Variants in NTRK2 observed in about 807,000 individuals in gnomAD.
The protein encoded by NTRK2 is neurotrophic receptor tyrosine kinase 2.
NTRK2 carries 13 observed loss-of-function variants against 94.5 expected under a neutral mutation model. The observed-to-expected ratio is 0.14, with a 90% CI of 0.09 to 0.22. The LOEUF (loss-of-function observed/expected upper bound fraction) is 0.22, where lower values mean the gene tolerates loss of function less well. Ranked by LOEUF, NTRK2 falls within the 10% of genes least tolerant of loss-of-function variation. The probability of loss-of-function intolerance (pLI) is 1.00; values close to 1 mark genes in which losing one functional copy is unlikely to be tolerated. For missense variants in NTRK2, 639 were observed against 1,071.2 expected, an observed-to-expected ratio of 0.60 and a Z score of 5.63; for synonymous variants, 372 against 407.4, an observed-to-expected ratio of 0.91 and a Z score of 1.05.
At chr9:84,751,781 G>A (rs915814900) in intron 11 of NTRK2, among the ~76,000 whole-genome samples, 1 of 152,106 alleles carries the variant, frequency 6.6e-6, no homozygotes, top group African/African-American at 2.4e-5. Flanking sequence ...TGTAAAGTAG[G>A]CATAATAATA....
At chr9:84,973,687 C>G (rs1351316635) in intron 17 of NTRK2, among the ~76,000 whole-genome samples, 1 of 152,180 alleles carries the variant, frequency 6.6e-6, no homozygotes, top group Non-Finnish European at 1.5e-5. Context: ...AGCACACTAA[C>G]CCTCCCTGGG....
At chr9:84,918,994 TC>T (rs2077478992) in intron 14 of NTRK2, among the ~76,000 whole-genome samples, 1 of 152,248 alleles carries the variant, frequency 6.6e-6, no homozygotes, top group East Asian at 1.9e-4. Context: ...TACAATCAAA[TC>T]TAGACCCCTT....
At chr9:84,729,400 T>C (rs1449924900) in intron 9 of NTRK2, among the ~76,000 whole-genome samples, 4 of 152,238 alleles carry the variant, frequency 2.6e-5, no homozygotes, top group African/African-American at 9.6e-5. Context: ...AGAGTTTAGC[T>C]GCTTGGCTAT....
chr9:84,919,563 A>G (rs1273120567), intron 14 of NTRK2, among the ~76,000 whole-genome samples: 1 of 152,176 alleles, frequency 6.6e-6, no homozygotes, highest in Non-Finnish European at 1.5e-5. Context: ...GGAACTCAAG[A>G]TATTTTCACA....
intron 14 of NTRK2, among the ~76,000 whole-genome samples, chr9:84,929,687 G>A (rs556169238): frequency 2.5e-4 from 38 of 151,924 alleles, no homozygotes; most frequent in Middle Eastern, 3.4e-3. Flanking sequence ...TCAGTCTCCC[G>A]GGTAGCTGGG....
intron 17 of NTRK2, among the ~76,000 whole-genome samples, chr9:85,001,725 A>G (rs965586252): frequency 1.3e-5 from 2 of 152,222 alleles, no homozygotes; most frequent in Admixed American, 1.3e-4. Flanking sequence ...AGAGAGGAGA[A>G]GGATCTAAGG....
At chr9:84,860,227 A>G (rs1237537558) in intron 12 of NTRK2, among the ~76,000 whole-genome samples, 1 of 152,236 alleles carries the variant, frequency 6.6e-6, no homozygotes, top group Admixed American at 6.5e-5. Flanking sequence ...CCCACTGTGC[A>G]GAATTCACTT....
chr9:84,968,352 T>A (rs941881558), intron 17 of NTRK2, among the ~76,000 whole-genome samples: 4 of 152,132 alleles, frequency 2.6e-5, no homozygotes, highest in Non-Finnish European at 4.4e-5. Context: ...CCCTTTGTAA[T>A]CATAAAAGAT....
At chr9:84,744,950 C>T (rs761073805) in intron 10 of NTRK2, 23 bp from the exon 11 acceptor site, 9 of 1,539,458 alleles carry the variant, frequency 5.8e-6, no homozygotes, top group Non-Finnish European at 8.1e-6. Flanking sequence ...TGTTCTTCCT[C>T]ATTCCCCCTT....
At chr9:84,980,873 G>T (rs532467704) in intron 17 of NTRK2, among the ~76,000 whole-genome samples, 1 of 152,304 alleles carries the variant, frequency 6.6e-6, no homozygotes, top group South Asian at 2.1e-4. Flanking sequence ...CGAAAGTCAG[G>T]GTAGGTGCAG....
At chr9:84,934,952 A>G (rs905628701) in intron 15 of NTRK2, among the ~76,000 whole-genome samples, 4 of 152,310 alleles carry the variant, frequency 2.6e-5, no homozygotes, top group Admixed American at 2.0e-4. Flanking sequence ...TTAGATAATC[A>G]TTATGATTGA....
intron 8 of NTRK2, among the ~76,000 whole-genome samples, chr9:84,726,086 G>T (rs1479511062): frequency 6.6e-6 from 1 of 152,150 alleles, no homozygotes; most frequent in Non-Finnish European, 1.5e-5. Flanking sequence ...CCAAACTTGA[G>T]TTTTTTTCTC....
intron 6 of NTRK2, among the ~76,000 whole-genome samples, chr9:84,715,224 G>A (rs752409739): frequency 7.9e-5 from 12 of 152,090 alleles, no homozygotes; most frequent in Non-Finnish European, 1.0e-4. Flanking sequence ...TGGTGTGAAC[G>A]TTTCAGTTAA....
chr9:84,776,682 A>G (rs1341632864), intron 12 of NTRK2, among the ~76,000 whole-genome samples: 1 of 152,246 alleles, frequency 6.6e-6, no homozygotes, highest in East Asian at 1.9e-4. Context: ...AGCATGTGGC[A>G]TGAACAGCAT....
intron 9 of NTRK2, among the ~76,000 whole-genome samples, chr9:84,737,976 G>A (rs777113782): frequency 1.4e-4 from 21 of 151,546 alleles, no homozygotes; most frequent in South Asian, 6.2e-4. Context: ...CAGATCTGCA[G>A]ACCTTGGTAC....
At chr9:84,939,056 AAAAAAAAAAAAAAAAGAAAAG>A (rs1038483278) in intron 15 of NTRK2, among the ~76,000 whole-genome samples, 1 of 150,124 alleles carries the variant, frequency 6.7e-6, no homozygotes, top group Non-Finnish European at 1.5e-5. Flanking sequence ...CAACTCAAAA[AAAAAAAAAAAAAAAAGAAAAG>A]AAAAGAAAAA....
At chr9:84,730,407 C>G (rs1354108525) in intron 9 of NTRK2, among the ~76,000 whole-genome samples, 1 of 152,006 alleles carries the variant, frequency 6.6e-6, no homozygotes, top group Non-Finnish European at 1.5e-5. Context: ...AATGACCTTT[C>G]TTAGAATTGC....
intron 15 of NTRK2, among the ~76,000 whole-genome samples, chr9:84,947,195 A>G (rs2078626989): frequency 6.6e-6 from 1 of 152,138 alleles, no homozygotes; most frequent in African/African-American, 2.4e-5. Context: ...ACCTTGGGTG[A>G]TCTGCCCGCC....
chr9:84,731,522 G>C (rs1286972105), intron 9 of NTRK2, among the ~76,000 whole-genome samples: 2 of 152,176 alleles, frequency 1.3e-5, no homozygotes, highest in African/African-American at 4.8e-5. Flanking sequence ...TTTTTGAAAA[G>C]AGAGAATAAA....
Sources: allele counts gnomAD v4.1 joint callset (sites outside exome capture counted in the v4.1 genomes callset), GRCh38; gene constraint gnomAD v4.1.1; transcripts MANE v1.5; gene names NCBI Gene and HGNC (gene_info 2026-07-23, HGNC 2026-07-21).